The following HOXB3 variants were observed in gnomAD, a reference collection of about 807,000 sequenced individuals.
HOXB3 encodes the protein homeobox B3, also known as homeobox protein Hox-B3.
HOXB3 carries 17 observed loss-of-function variants against 29.2 expected under a neutral mutation model. The observed-to-expected ratio is 0.58, with a 90% CI of 0.40 to 0.87. HOXB3 has a LOEUF of 0.87. Among genes scored for constraint, HOXB3 ranks in the 40% least tolerant of loss-of-function variants. The probability of loss-of-function intolerance (pLI) is 0.00; values close to 1 mark genes in which losing one functional copy is unlikely to be tolerated. For synonymous variants in HOXB3, 317 were observed against 285.9 expected, an observed-to-expected ratio of 1.11 and a Z score of -1.10; for missense variants, 637 against 616.3, an observed-to-expected ratio of 1.03 and a Z score of -0.35.
chr17:48,576,651 C>A, intron 1 of HOXB3: 11 of 272,448 alleles, frequency 4.0e-5, no homozygotes, highest in Non-Finnish European at 4.8e-5. Flanking sequence ...CCCCTCCTGT[C>A]CCCCCACCCC....
In HOXB3 at chr17:48,550,721, C is replaced by T. The variant is rs541990077; in HGVS notation, c.909G>A (p.Ala303=). 2 of 1,566,942 alleles carry T rather than the reference C, an allele frequency of 1.3e-6. No homozygotes were observed. Among genetic ancestry groups the T allele is most frequent in the Non-Finnish European group, 1.7e-6 (2 of 1,154,576 alleles). ...GAGGGGGCTGGTAGTTGGAGGGCAG[C>T]GCGTAGGCATTCTGGTGGGCTTTAC... is the stretch of plus-strand genomic sequence containing the variant. The part of the protein sequence containing the change: ...AFGKAHQNAY[A]LPSNYQPPLK... Residue 303 remains alanine (A), a synonymous_variant, in exon 5 of 5, where the codon GCG becomes GCA. Coordinates refer to ENST00000498678, the MANE Select transcript of HOXB3 (RefSeq NM_001384749.1).
intron 2 of HOXB3, among the ~76,000 whole-genome samples, chr17:48,572,969 C>G (rs1320032791): frequency 6.6e-6 from 1 of 152,188 alleles, no homozygotes; most frequent in Admixed American, 6.5e-5. Flanking sequence ...CATGAACTCT[C>G]TCTCCTGCCA....
intron 1 of HOXB3, among the ~76,000 whole-genome samples, chr17:48,586,945 G>C (rs2144920171): frequency 6.6e-6 from 1 of 152,326 alleles, no homozygotes; most frequent in Non-Finnish European, 1.5e-5. Context: ...CAGAGCATTA[G>C]AGGGCTGGGG....
In HOXB3 at chr17:48,550,934, G is replaced by T. The variant is rs569979335; in HGVS notation, c.696C>A (p.Ile232=). Residue 232 remains isoleucine (I), a synonymous_variant, in exon 5 of 5, where the codon ATC becomes ATA. Transcript: ENST00000498678. ...TGCGCCGGTTCTGGAACCAGATCTT[G>T]ATCTGCCGCTCGCTGAGGTTCAGCA... is the stretch of plus-strand genomic sequence containing the variant. ...ANLLNLSERQ[I]KIWFQNRRMK... 2 of 1,613,982 alleles carry T rather than the reference G, an allele frequency of 1.2e-6. No homozygotes were observed. The highest frequency in any genetic ancestry group is 2.2e-5 in the South Asian group (2 of 91,086).
chr17:48,551,276 C>T, intron 4 of HOXB3, 95 bp from the exon 5 acceptor site: 1 of 1,210,430 alleles, frequency 8.3e-7, no homozygotes, highest in Non-Finnish European at 1.0e-6. Flanking sequence ...CTTAATAAAT[C>T]CAGGCCTGGA....
In HOXB3 at chr17:48,573,908, G is replaced by A. The variant is rs1167139548; in HGVS notation, c.-318C>T. On this transcript the variant is annotated 5_prime_UTR_variant, in exon 2 of 5. Coordinates refer to ENST00000498678, the MANE Select transcript of HOXB3 (RefSeq NM_001384749.1). ...CATGACGAAGGGCTTCTTCCAAACT[G>A]AGAGAAAAAAGTTTTCAACTTTATG... is the stretch of plus-strand genomic sequence containing the variant. 2 of 699,830 alleles carry A rather than the reference G, an allele frequency of 2.9e-6. No homozygotes were observed. The highest frequency in any genetic ancestry group is 3.5e-5 in the African/African-American group (2 of 57,004). The allele number at this position is 699,830 out of a possible 1,614,324, so 43.4% of individuals were successfully genotyped here. A position where few individuals can be genotyped will look rare whatever the true frequency, so the allele number is the denominator to read the frequency against.
intron 2 of HOXB3, among the ~76,000 whole-genome samples, chr17:48,571,438 G>A (rs2069583547): frequency 6.6e-6 from 1 of 152,208 alleles, no homozygotes; most frequent in South Asian, 2.1e-4. Flanking sequence ...GAGGGCCGAG[G>A]GAACTGGGGA....
At chr17:48,571,962 A>C (rs1467305503) in intron 2 of HOXB3, among the ~76,000 whole-genome samples, 4 of 152,230 alleles carry the variant, frequency 2.6e-5, no homozygotes, top group Non-Finnish European at 5.9e-5. Context: ...CTGAAGGGTA[A>C]CATTTCATCT....
At chr17:48,582,963 C>A (rs1195589717) in intron 1 of HOXB3, among the ~76,000 whole-genome samples, 1 of 152,220 alleles carries the variant, frequency 6.6e-6, no homozygotes, top group Non-Finnish European at 1.5e-5. Flanking sequence ...CCCCAGAGAG[C>A]AGGCCTGAGC....
intron 2 of HOXB3, among the ~76,000 whole-genome samples, chr17:48,572,754 G>A (rs143165021): frequency 9.2e-5 from 14 of 152,218 alleles, no homozygotes; most frequent in Admixed American, 6.5e-4. Context: ...TTCCAAAATA[G>A]CAAAGATGGG....
intron 2 of HOXB3, among the ~76,000 whole-genome samples, chr17:48,570,833 G>A (rs958929535): frequency 6.6e-6 from 1 of 152,162 alleles, no homozygotes. Flanking sequence ...ATCCCGATGT[G>A]GGCCCTGCTC....
At chr17:48,577,907 T>G in intron 1 of HOXB3, 1 of 1,376,340 alleles carries the variant, frequency 7.3e-7, no homozygotes, top group Non-Finnish European at 9.5e-7. Flanking sequence ...GACGACGGGC[T>G]CTTTGCACGC....
In HOXB3 at chr17:48,550,605, C is replaced by T. The variant is rs773338030; in HGVS notation, c.1025G>A (p.Gly342Glu). The T allele has an allele frequency of 1.4e-5, 22 of 1,520,684 alleles. No individual in the cohort carries two copies. Among genetic ancestry groups the T allele is most frequent in the Non-Finnish European group, 1.8e-5 (21 of 1,139,620 alleles). 94.2% of individuals were successfully genotyped at this position (1,520,684 alleles called of 1,614,324 possible). A position where few individuals can be genotyped will look rare whatever the true frequency, so the allele number is the denominator to read the frequency against. ...HVLQANGGAY[G>E]TPTMQGSPVY... The stretch of plus-strand genomic sequence containing the variant: ...CGGACTGCCCTGCATGGTGGGCGTC[C>T]CGTAGGCGCCCCCGTTGGCTTGGAG... Residue 342 changes from glycine (G) to glutamate (E), a missense_variant, in exon 5 of 5, where the codon GGG becomes GAG. By Grantham distance (98) the Gly-to-Glu change is moderately conservative (BLOSUM62 -2). Coordinates refer to ENST00000498678, the MANE Select transcript of HOXB3 (RefSeq NM_001384749.1).
chr17:48,571,403 G>C (rs986659965), intron 2 of HOXB3, among the ~76,000 whole-genome samples: 1 of 152,230 alleles, frequency 6.6e-6, no homozygotes, highest in Admixed American at 6.5e-5. Flanking sequence ...CAGGACAGGC[G>C]GGTGGAAGTA....
At position 48,552,565 on chromosome 17, in the gene HOXB3, C is replaced by G; in HGVS notation, c.-91G>C. On this transcript the variant is annotated 5_prime_UTR_variant, in exon 4 of 5. Coordinates refer to ENST00000498678, the MANE Select transcript of HOXB3 (RefSeq NM_001384749.1). ...TGGCAACCCTGGGGGTCACGTGACA[C>G]GCCGGACCCCCCCCCCCCACCTCCC... is the stretch of plus-strand genomic sequence containing the variant. The G allele has an allele frequency of 1.1e-6, 1 of 890,450 alleles. No homozygotes were observed. Among genetic ancestry groups the G allele is most frequent in the South Asian group, 2.0e-5 (1 of 51,156 alleles). The allele number at this position is 890,450 out of a possible 1,614,324, so 55.2% of individuals were successfully genotyped here. A position where few individuals can be genotyped will look rare whatever the true frequency, so the allele number is the denominator to read the frequency against.
At position 48,552,227 on chromosome 17, in the gene HOXB3, A is replaced by G. The variant is rs878940792; in HGVS notation, c.248T>C (p.Leu83Pro). Reference sequence around the variant, plus strand: ...CGGGGGTGAGCCAGGCGGGGCCGACAGGGGCTCGGGGGCCAGACCCGGCCT... The same window carrying G: ...CGGGGGTGAGCCAGGCGGGGCCGACGGGGGCTCGGGGGCCAGACCCGGCCT... ...CMRPGLAPEP[L>P]SAPPGSPPPS... The change falls in exon 4 of 5, where the codon CTG becomes CCG. Residue 83 changes from leucine to proline, a missense_variant. By Grantham distance (98) the Leu-to-Pro change is moderately conservative. Transcript: ENST00000498678. The G allele has an allele frequency of 6.2e-7, 1 of 1,612,360 alleles. No individual in the cohort carries two copies. The highest frequency in any genetic ancestry group is 8.5e-7 in the Non-Finnish European group (1 of 1,179,612).
intron 1 of HOXB3, chr17:48,577,946 T>G: frequency 7.5e-7 from 1 of 1,327,894 alleles, no homozygotes; most frequent in Non-Finnish European, 9.7e-7. Flanking sequence ...GTGCAGGGGG[T>G]TCTGGGCGCA....
At chr17:48,564,915 G>A (rs1445304499) in intron 2 of HOXB3, among the ~76,000 whole-genome samples, 2 of 152,210 alleles carry the variant, frequency 1.3e-5, no homozygotes, top group Admixed American at 6.5e-5. Context: ...AAGCTGCTTA[G>A]GCTGGTAGGA....
intron 1 of HOXB3, among the ~76,000 whole-genome samples, chr17:48,586,054 G>A (rs1207406543): frequency 1.3e-5 from 2 of 152,230 alleles, no homozygotes; most frequent in African/African-American, 2.4e-5. Context: ...AAGCCGCAAG[G>A]CTCAGCCCGG....
Sources: allele counts gnomAD v4.1 joint callset (sites outside exome capture counted in the v4.1 genomes callset), GRCh38; gene constraint gnomAD v4.1.1; transcripts MANE v1.5; gene names NCBI Gene and HGNC (gene_info 2026-07-23, HGNC 2026-07-21).